LRIG1: variants seen among roughly 807,000 people sequenced by gnomAD.
LRIG1 encodes leucine-rich repeats and immunoglobulin-like domains protein 1.
LRIG1 carries 48 observed loss-of-function variants against 99.2 expected under a neutral mutation model. The ratio of observed to expected loss-of-function variants is 0.48; its 90% CI spans 0.38 to 0.62. LRIG1 has a LOEUF of 0.62. Ranked by LOEUF, LRIG1 falls within the 20% of genes least tolerant of loss-of-function variation. LRIG1 has a pLI of 0.00. For missense variants in LRIG1, 1,646 were observed against 1,434.4 expected (o/e 1.15, Z -2.38); for synonymous variants, 772 against 596.1 (o/e 1.29, Z -4.30).
At chr3:66,392,121 A>T (rs9840088) in intron 12 of LRIG1, among the ~76,000 whole-genome samples, 1 of 152,104 alleles carries the variant, frequency 6.6e-6, no homozygotes, top group Non-Finnish European at 1.5e-5. Flanking sequence ...TTCATGTTGC[A>T]GGACTACTGA....
chr3:66,485,549 T>C (rs920735380), intron 1 of LRIG1, among the ~76,000 whole-genome samples: 6 of 152,198 alleles, frequency 3.9e-5, no homozygotes, highest in African/African-American at 1.4e-4. Context: ...AGTGAGATGA[T>C]CATAAAGCCA....
At chr3:66,468,861 TTC>T (rs1277004525) in intron 1 of LRIG1, 1 of 152,258 alleles carries the variant, frequency 6.6e-6, no homozygotes, top group Non-Finnish European at 1.5e-5. Context: ...CATTTTTACT[TTC>T]TGAGGAATTA....
intron 3 of LRIG1, among the ~76,000 whole-genome samples, chr3:66,446,250 G>A (rs1220682023): frequency 2.0e-5 from 3 of 151,958 alleles, no homozygotes; most frequent in South Asian, 2.1e-4. Context: ...CCAGGGCTTC[G>A]TCCACTCTTC....
intron 11 of LRIG1, among the ~76,000 whole-genome samples, chr3:66,395,753 G>A (rs772192922): frequency 6.6e-6 from 1 of 152,198 alleles, no homozygotes; most frequent in African/African-American, 2.4e-5. Context: ...TGTTTGGGGA[G>A]GGCAGCTCCC....
Position 66,383,194 on chromosome 3 carries a change from C to G in LRIG1, c.2279G>C (p.Arg760Pro), listed in dbSNP as rs191273463. The change falls in exon 15 of 19, where the codon CGA (arginine) becomes CCA (proline). Residue 760 changes from arginine to proline, a missense_variant. Physicochemically the swap from Arg to Pro is moderately radical, Grantham distance 103. Coordinates refer to ENST00000273261, the MANE Select transcript of LRIG1 (RefSeq NM_015541.3). Reference sequence around the variant, plus strand: ...GGTGTTGGACATCTCACAGGTATATCGGCCCGCATCCTCTGCCACCACGTT... The same window carrying G: ...GGTGTTGGACATCTCACAGGTATATGGGCCCGCATCCTCTGCCACCACGTT... ...VQNVVAEDAGRYTCEMSNTLG... is the reference protein window; with the variant it reads ...VQNVVAEDAGPYTCEMSNTLG... The G allele has an allele frequency of 1.2e-6, 2 of 1,614,226 alleles. No homozygotes were observed. The highest frequency in any genetic ancestry group is 1.7e-6 in the Non-Finnish European group (2 of 1,180,046).
chr3:66,458,335 T>C (rs899767167), intron 2 of LRIG1, among the ~76,000 whole-genome samples: 3 of 152,192 alleles, frequency 2.0e-5, no homozygotes, highest in Non-Finnish European at 2.9e-5. Context: ...CTCAAATTCC[T>C]GGGCTCAAGT....
rs747811785 is a variant in LRIG1, at chr3:66,394,083, C to G, written c.1425G>C (p.Lys475Asn). Reference sequence around the variant, plus strand: ...GTGGCACAGAGAAAATGCTCTGACCCTTCAGTGATTCTGGGTGGGCACAGG... The same window carrying G: ...GTGGCACAGAGAAAATGCTCTGACCGTTCAGTGATTCTGGGTGGGCACAGG... ...TATCAHPESL[K>N]GQSIFSVPPE... Residue 475 changes from lysine (K) to asparagine (N), a missense_variant, in exon 12 of 19, where the codon AAG becomes AAC. Lys to Asn is a moderately conservative substitution (Grantham distance 94). Coordinates refer to ENST00000273261, the MANE Select transcript of LRIG1 (RefSeq NM_015541.3). The G allele has an allele frequency of 6.2e-7, 1 of 1,614,118 alleles. No homozygotes were observed.
At chr3:66,383,429 C>G (rs774901683) in intron 14 of LRIG1, 28 bp from the exon 15 acceptor site, 7 of 1,517,206 alleles carry the variant, frequency 4.6e-6, no homozygotes, top group Non-Finnish European at 6.2e-6. Flanking sequence ...AGATCTTAGT[C>G]ATTCTCAGGG....
chr3:66,437,277 G>A (rs1231371912), intron 3 of LRIG1, among the ~76,000 whole-genome samples: 2 of 152,186 alleles, frequency 1.3e-5, no homozygotes, highest in Non-Finnish European at 2.9e-5. Context: ...CACATCTGTG[G>A]TAAGGTAAGA....
Position 66,382,968 on chromosome 3 carries a change from T to G in LRIG1, c.2491+14A>C. ...CTCCCTCCTTGAAAGTCAGCTCCGC[T>G]GGCAGGGCCTGACCTGTGTTGGTGA... On this transcript the variant is annotated intron_variant, in intron 15 of 18. Transcript: ENST00000273261. The G allele has an allele frequency of 6.3e-7, 1 of 1,582,676 alleles. No homozygotes were observed. The highest frequency in any genetic ancestry group is 8.6e-7 in the Non-Finnish European group (1 of 1,158,780).
intron 3 of LRIG1, among the ~76,000 whole-genome samples, chr3:66,424,919 A>G (rs1014631309): frequency 6.6e-6 from 1 of 152,240 alleles, no homozygotes; most frequent in Non-Finnish European, 1.5e-5. Context: ...GTGGACTAAT[A>G]TGAGTGTTCT....
chr3:66,413,463 A>G (rs1216381146), intron 5 of LRIG1, among the ~76,000 whole-genome samples: 4 of 152,230 alleles, frequency 2.6e-5, no homozygotes, highest in Non-Finnish European at 4.4e-5. Flanking sequence ...ACCACTATGT[A>G]TCAAATGGCA....
intron 1 of LRIG1, among the ~76,000 whole-genome samples, chr3:66,484,492 T>C (rs928746192): frequency 6.6e-6 from 1 of 152,188 alleles, no homozygotes; most frequent in African/African-American, 2.4e-5. Flanking sequence ...ACGTCAGCCA[T>C]GGTTTCTATG....
At chr3:66,488,717 C>T (rs1701032085) in intron 1 of LRIG1, among the ~76,000 whole-genome samples, 1 of 152,132 alleles carries the variant, frequency 6.6e-6, no homozygotes, top group Non-Finnish European at 1.5e-5. Flanking sequence ...GAAAGATCTC[C>T]CTGGTAAAAG....
In LRIG1 at chr3:66,415,000, C is replaced by T. The variant is rs776697857; in HGVS notation, c.567G>A (p.Ser189=). 148 of 1,612,612 alleles carry T rather than the reference C, an allele frequency of 9.2e-5. No individual in the cohort carries two copies. The highest frequency in any genetic ancestry group is 1.6e-4 in the Middle Eastern group (1 of 6,072). The stretch of plus-strand genomic sequence containing the variant: ...TTTTGCTCAGGCGAAGAGTTAGCAG[C>T]GACCGTGACAGACCATCAAATGCTC... The part of the protein sequence containing the change: ...ELGAFDGLSR[S]LLTLRLSKNR... The change falls in exon 5 of 19, where the codon TCG becomes TCA. Residue 189 remains serine, a synonymous_variant. Transcript: ENST00000273261.
In LRIG1 at chr3:66,410,233, G is replaced by A; in HGVS notation, c.831C>T (p.Gly277=). 3.1e-6 allele frequency: 5 copies of A among 1,613,694 alleles called. No homozygotes were observed. The highest frequency in any genetic ancestry group is 3.4e-6 in the Non-Finnish European group (4 of 1,179,752). ...GCAGGGCCGTGAGGCCGTAGAGCGA[G>A]CCGCTGTTCACTTCTACCAGGCTGT... ...EYNSLVEVNS[G]SLYGLTALHQ... The change falls in exon 7 of 19, where the codon GGC becomes GGT. Residue 277 remains glycine, a synonymous_variant. Coordinates refer to ENST00000273261, the MANE Select transcript of LRIG1 (RefSeq NM_015541.3).
rs753647399 is a variant in LRIG1, at chr3:66,379,599, G to C, written c.*664C>G. On this transcript the variant is annotated 3_prime_UTR_variant, in exon 19 of 19. Transcript: ENST00000273261. ...CGCCTTACAGACGGACAGATTCTAC[G>C]CCTTACAGACAGACAGGACTTAAAC... The C allele has an allele frequency of 1.3e-5, 2 of 151,806 alleles. No individual in the cohort carries two copies. Among genetic ancestry groups the C allele is most frequent in the Non-Finnish European group, 2.9e-5 (2 of 67,862 alleles). The allele number at this position is 151,806 out of a possible 1,614,324, so 9.4% of individuals were successfully genotyped here.
intron 3 of LRIG1, among the ~76,000 whole-genome samples, chr3:66,438,140 A>G (rs1227636472): frequency 6.6e-6 from 1 of 152,034 alleles, no homozygotes; most frequent in African/African-American, 2.4e-5. Flanking sequence ...GCCTTGGGGA[A>G]CCCCTGTAGA....
chr3:66,494,328 C>T (rs1003758949), intron 1 of LRIG1, among the ~76,000 whole-genome samples: 16 of 152,196 alleles, frequency 1.1e-4, no homozygotes, highest in African/African-American at 3.6e-4. Context: ...ACCGCCACTC[C>T]TTAATGACGA....
Sources: gnomAD v4.1 joint callset for allele counts (sites outside exome capture counted in the v4.1 genomes callset) on GRCh38, gnomAD v4.1.1 for gene constraint, MANE v1.5 for transcripts, NCBI Gene and HGNC (gene_info 2026-07-23, HGNC 2026-07-21) for gene names.